Variants in USP32 observed in about 807,000 individuals in gnomAD.
The protein encoded by USP32 is ubiquitin carboxyl-terminal hydrolase 32.
USP32 carries 59 observed loss-of-function variants against 204.8 expected under a neutral mutation model. That is an observed-to-expected ratio of 0.29 (90% CI 0.23 to 0.36). USP32 has a LOEUF of 0.36. Among genes scored for constraint, USP32 ranks in the 10% least tolerant of loss-of-function variants. The pLI, the probability that USP32 is intolerant of heterozygous loss-of-function variation, is 1.00. For missense variants in USP32, 1,160 were observed against 1,946.4 expected (o/e 0.60, Z 7.60); for synonymous variants, 517 against 678.4 (o/e 0.76, Z 3.70).
At chr17:60,309,710 C>T (rs908868829) in intron 2 of USP32, among the ~76,000 whole-genome samples, 3 of 152,052 alleles carry the variant, frequency 2.0e-5, no homozygotes, top group African/African-American at 7.2e-5. Flanking sequence ...CAGAGAAAGG[C>T]AAATCAATAC....
At chr17:60,251,223 A>G (rs1393301665) in intron 11 of USP32, among the ~76,000 whole-genome samples, 1 of 151,964 alleles carries the variant, frequency 6.6e-6, no homozygotes, top group East Asian at 1.9e-4. Flanking sequence ...GATTACAGGC[A>G]TGAGCCACTA....
At chr17:60,265,522 T>G (rs1331795870) in intron 8 of USP32, 48 bp from the exon 9 acceptor site, 18 of 1,239,334 alleles carry the variant, frequency 1.5e-5, no homozygotes, top group Non-Finnish European at 2.1e-5. Flanking sequence ...GAATATACTT[T>G]TAATTTTGTT....
In USP32 at chr17:60,226,142, G is replaced by A. The variant is rs775723014; in HGVS notation, c.1329C>T (p.Val443=). Residue 443 remains valine (V), a synonymous_variant, in exon 13 of 34, where the codon GTC becomes GTT. Coordinates refer to ENST00000300896, the MANE Select transcript of USP32 (RefSeq NM_032582.4). ...TGAGGCTGCTTCCAATTCTATCTTC[G>A]ACCTGCTCCATAGGATGGGCTGCAG... is the stretch of plus-strand genomic sequence containing the variant. ...FGTAAHPMEQ[V]EDRIGSSLSY... 7 of 1,607,094 alleles carry A rather than the reference G, an allele frequency of 4.4e-6. No homozygotes were observed. Among genetic ancestry groups the A allele is most frequent in the East Asian group, 4.5e-5 (2 of 44,518 alleles).
intron 2 of USP32, among the ~76,000 whole-genome samples, chr17:60,332,321 G>GA (rs2088408762): frequency 1.3e-5 from 2 of 151,964 alleles, no homozygotes; most frequent in Admixed American, 6.6e-5. Flanking sequence ...ACACAATGAA[G>GA]AAAACAAAAA....
chr17:60,412,237 C>T (rs1431346764), intron 1 of USP32, among the ~76,000 whole-genome samples: 2 of 152,126 alleles, frequency 1.3e-5, no homozygotes, highest in Non-Finnish European at 2.9e-5. Flanking sequence ...GGTGTGGTGG[C>T]TCATGCCTAT....
chr17:60,212,953 A>AT (rs1434930424), intron 18 of USP32, among the ~76,000 whole-genome samples: 1 of 152,090 alleles, frequency 6.6e-6, no homozygotes, highest in African/African-American at 2.4e-5. Flanking sequence ...AGATTTCACC[A>AT]TGTTGTCCAG....
intron 9 of USP32, chr17:60,256,965 C>G: frequency 9.3e-6 from 3 of 324,236 alleles, no homozygotes; most frequent in South Asian, 8.7e-5. Flanking sequence ...TTGATAAGAA[C>G]ACACATGCAG....
chr17:60,287,880 G>A (rs544982088), intron 5 of USP32, among the ~76,000 whole-genome samples: 11 of 152,220 alleles, frequency 7.2e-5, no homozygotes, highest in Admixed American at 3.3e-4. Context: ...TCGGGAGGCC[G>A]AGGCGTGTGG....
chr17:60,389,469 G>C (rs890090903), intron 1 of USP32, among the ~76,000 whole-genome samples: 3 of 151,678 alleles, frequency 2.0e-5, no homozygotes, highest in Admixed American at 6.6e-5. Flanking sequence ...CTTGAACCCG[G>C]GAGGCGGAGG....
At chr17:60,203,481 A>G (rs34413264) in intron 26 of USP32, among the ~76,000 whole-genome samples, 2 of 151,918 alleles carry the variant, frequency 1.3e-5, no homozygotes, top group African/African-American at 4.8e-5. Flanking sequence ...AACAGTCCTA[A>G]GAAACCAATA....
chr17:60,186,345 T>A (rs1004201142), intron 29 of USP32, among the ~76,000 whole-genome samples: 1 of 152,246 alleles, frequency 6.6e-6, no homozygotes, highest in African/African-American at 2.4e-5. Context: ...ATTATTAGTA[T>A]GCTGCAGACT....
intron 12 of USP32, among the ~76,000 whole-genome samples, chr17:60,226,937 G>A (rs1193201312): frequency 3.3e-5 from 5 of 150,868 alleles, no homozygotes; most frequent in Admixed American, 6.6e-5. Flanking sequence ...CCAGCTACTC[G>A]GGAGGCTGAG....
intron 1 of USP32, among the ~76,000 whole-genome samples, chr17:60,420,265 A>G (rs1362945738): frequency 6.6e-6 from 1 of 152,074 alleles, no homozygotes; most frequent in Non-Finnish European, 1.5e-5. Flanking sequence ...AACTGCTGCG[A>G]TTATAGGTGT....
intron 2 of USP32, among the ~76,000 whole-genome samples, chr17:60,344,031 T>C (rs1598268162): frequency 6.6e-6 from 1 of 151,270 alleles, no homozygotes. Context: ...CAAACCTCTG[T>C]CTCAAAGAAA....
intron 16 of USP32, among the ~76,000 whole-genome samples, chr17:60,218,519 T>G (rs1468275107): frequency 1.3e-5 from 2 of 152,192 alleles, no homozygotes; most frequent in Non-Finnish European, 2.9e-5. Context: ...TAGAGGTAGT[T>G]CTTGCATACT....
intron 2 of USP32, among the ~76,000 whole-genome samples, chr17:60,334,146 G>A (rs1440790190): frequency 6.6e-6 from 1 of 152,118 alleles, no homozygotes; most frequent in African/African-American, 2.4e-5. Context: ...CTGTAAAAAA[G>A]CAACAAGAGG....
At chr17:60,231,542 T>C (rs898122601) in intron 12 of USP32, 3 of 516,318 alleles carry the variant, frequency 5.8e-6, no homozygotes, top group African/African-American at 5.8e-5. Context: ...AAAACAAGGC[T>C]GCCCCACTCG....
At chr17:60,327,601 C>A (rs1304518481) in intron 2 of USP32, among the ~76,000 whole-genome samples, 1 of 152,050 alleles carries the variant, frequency 6.6e-6, no homozygotes, top group Non-Finnish European at 1.5e-5. Context: ...GACATGGAGC[C>A]CCCACACCAG....
intron 1 of USP32, among the ~76,000 whole-genome samples, chr17:60,367,116 C>T (rs755776063): frequency 2.0e-5 from 3 of 152,134 alleles, no homozygotes; most frequent in African/African-American, 4.8e-5. Flanking sequence ...CGTGAGCCAC[C>T]GCGCCTAGCC....
Sources: allele counts gnomAD v4.1 joint callset (sites outside exome capture counted in the v4.1 genomes callset), GRCh38; gene constraint gnomAD v4.1.1; transcripts MANE v1.5; gene names NCBI Gene and HGNC (gene_info 2026-07-23, HGNC 2026-07-21).